PGCKA1: variants seen among roughly 807,000 people sequenced by gnomAD.
PGCKA1 encodes the protein PDCD10 and GCKIII kinases-associated protein 1.
chr4:37,457,015 C>T, the PGCKA1 span, among the ~76,000 whole-genome samples: 1 of 152,206 alleles, frequency 6.6e-6, no homozygotes, highest in Non-Finnish European at 1.5e-5. Flanking sequence ...TAAATGTAAG[C>T]CACATTTCAT....
chr4:37,509,693 G>C, the PGCKA1 span, among the ~76,000 whole-genome samples: 4 of 151,552 alleles, frequency 2.6e-5, no homozygotes, highest in South Asian at 8.4e-4. Context: ...GAGTGAACGA[G>C]ACTCCATCTG....
chr4:37,532,737 T>C, the PGCKA1 span, among the ~76,000 whole-genome samples: 1 of 152,214 alleles, frequency 6.6e-6, no homozygotes, highest in Non-Finnish European at 1.5e-5. Context: ...TAGCTTTTAA[T>C]CCTGTTGTTT....
At chr4:37,475,141 G>T in the PGCKA1 span, among the ~76,000 whole-genome samples, 1 of 152,088 alleles carries the variant, frequency 6.6e-6, no homozygotes, top group Non-Finnish European at 1.5e-5. Flanking sequence ...AGACCAAGAA[G>T]GATGCATTTT....
the PGCKA1 span, among the ~76,000 whole-genome samples, chr4:37,561,861 G>GCA: frequency 6.6e-6 from 1 of 152,130 alleles, no homozygotes; most frequent in South Asian, 2.1e-4. Flanking sequence ...CATATGTATT[G>GCA]TTAATTCATT....
chr4:37,501,357 A>C, the PGCKA1 span, among the ~76,000 whole-genome samples: 1 of 152,186 alleles, frequency 6.6e-6, no homozygotes, highest in South Asian at 2.1e-4. Context: ...TCAGATTCTC[A>C]TAAGAGTGTG....
chr4:37,517,193 G>A, the PGCKA1 span, among the ~76,000 whole-genome samples: 2 of 151,384 alleles, frequency 1.3e-5, no homozygotes, highest in Non-Finnish European at 2.9e-5. Context: ...GGAGGTTGCA[G>A]TGAGCCGAGA....
chr4:37,462,404 G>C, the PGCKA1 span, among the ~76,000 whole-genome samples: 2 of 152,112 alleles, frequency 1.3e-5, no homozygotes, highest in East Asian at 1.9e-4. Context: ...TTTTCTATTT[G>C]GTCTTTGGAG....
chr4:37,503,975 C>T, the PGCKA1 span, among the ~76,000 whole-genome samples: 1 of 152,112 alleles, frequency 6.6e-6, no homozygotes, highest in South Asian at 2.1e-4. Context: ...TCCCATTTGT[C>T]CATTTTTGCT....
chr4:37,502,038 C>T, the PGCKA1 span, among the ~76,000 whole-genome samples: 11,672 of 152,186 alleles, frequency 0.077, 717 homozygotes, highest in South Asian at 0.24. Context: ...CTAAGGGATT[C>T]GTATCAGACC....
chr4:37,574,093 C>T, the PGCKA1 span, among the ~76,000 whole-genome samples: 3 of 151,812 alleles, frequency 2.0e-5, no homozygotes, highest in Middle Eastern at 3.2e-3. Flanking sequence ...GAGGCTGAGA[C>T]AGGAGAATCG....
chr4:37,580,136 C>A, the PGCKA1 span, among the ~76,000 whole-genome samples: 6 of 151,870 alleles, frequency 4.0e-5, no homozygotes, highest in Admixed American at 1.3e-4. Context: ...TTGTTTCAAT[C>A]TCTTTGTTAA....
At chr4:37,592,373 GAGCT>G in the PGCKA1 span, among the ~76,000 whole-genome samples, 1 of 100,194 alleles carries the variant, frequency 1.0e-5, no homozygotes, top group East Asian at 3.0e-4. Flanking sequence ...AAAAAAAAAA[GAGCT>G]AGACTACAAA....
chr4:37,525,883 A>G, the PGCKA1 span, among the ~76,000 whole-genome samples: 1 of 152,228 alleles, frequency 6.6e-6, no homozygotes, highest in Non-Finnish European at 1.5e-5. Flanking sequence ...CATTTCTGCC[A>G]TTCATTAATT....
chr4:37,464,009 G>A, the PGCKA1 span, among the ~76,000 whole-genome samples: 9 of 152,020 alleles, frequency 5.9e-5, no homozygotes, highest in Non-Finnish European at 8.8e-5. Context: ...GTACACCCGC[G>A]CCCATAAGTC....
the PGCKA1 span, among the ~76,000 whole-genome samples, chr4:37,511,307 T>C: frequency 1.3e-5 from 2 of 152,108 alleles, no homozygotes; most frequent in African/African-American, 4.8e-5. Flanking sequence ...AGGAATGTGC[T>C]GCATTACACC....
the PGCKA1 span, chr4:37,461,126 A>T: frequency 1.0e-5 from 2 of 195,706 alleles, no homozygotes; most frequent in Non-Finnish European, 2.1e-5. Flanking sequence ...TGTCAGGTTT[A>T]TTGAAGATCA....
the PGCKA1 span, among the ~76,000 whole-genome samples, chr4:37,506,812 G>C: frequency 6.6e-6 from 1 of 152,120 alleles, no homozygotes; most frequent in African/African-American, 2.4e-5. Context: ...CTATAATGCA[G>C]ATAAAGCCTG....
At chr4:37,520,856 A>G in the PGCKA1 span, among the ~76,000 whole-genome samples, 15 of 152,164 alleles carry the variant, frequency 9.9e-5, no homozygotes, top group East Asian at 2.7e-3. Flanking sequence ...TGACCTCGCA[A>G]TCCGCCCGCC....
chr4:37,535,146 A>G, the PGCKA1 span, among the ~76,000 whole-genome samples: 5 of 152,188 alleles, frequency 3.3e-5, no homozygotes, highest in Non-Finnish European at 5.9e-5. Context: ...GCCAGATGCT[A>G]TAAGGAGGGC....
Sources: gnomAD v4.1 joint callset for allele counts (sites outside exome capture counted in the v4.1 genomes callset) on GRCh38, gnomAD v4.1.1 for gene constraint, MANE v1.5 for transcripts, NCBI Gene and HGNC (gene_info 2026-07-23, HGNC 2026-07-21) for gene names.